The following PDE4D variants were observed in gnomAD, a reference collection of about 807,000 sequenced individuals.
The protein encoded by PDE4D is phosphodiesterase 4D, also known as 3',5'-cyclic-AMP phosphodiesterase 4D.
PDE4D carries 24 observed loss-of-function variants against 87.4 expected under a neutral mutation model. The ratio of observed to expected loss-of-function variants is 0.27; its 90% CI spans 0.20 to 0.39. The LOEUF (loss-of-function observed/expected upper bound fraction) is 0.39. PDE4D is among the 10% of genes least tolerant of loss of function. PDE4D has a pLI of 1.00. For synonymous variants in PDE4D, 384 were observed against 383.2 expected (o/e 1.00, Z -0.02); for missense variants, 714 against 1,041.0 (o/e 0.69, Z 4.32).
intron 1 of PDE4D, among the ~76,000 whole-genome samples, chr5:60,186,277 A>G (rs187658377): frequency 6.6e-6 from 1 of 152,332 alleles, no homozygotes; most frequent in African/African-American, 2.4e-5. Flanking sequence ...AACAAAAAGT[A>G]TAAGCAATAA....
chr5:60,364,452 A>G (rs1760351590), intron 1 of PDE4D, among the ~76,000 whole-genome samples: 1 of 152,226 alleles, frequency 6.6e-6, no homozygotes, highest in Non-Finnish European at 1.5e-5. Context: ...ACTCTATTGT[A>G]AAATATTAAG....
chr5:60,240,268 C>A (rs1291843619), intron 1 of PDE4D, among the ~76,000 whole-genome samples: 2 of 152,082 alleles, frequency 1.3e-5, no homozygotes, highest in Non-Finnish European at 2.9e-5. Flanking sequence ...ATTGTCCCCC[C>A]ACCCCACAGG....
intron 1 of PDE4D, among the ~76,000 whole-genome samples, chr5:59,453,261 C>T (rs556331966): frequency 6.6e-6 from 1 of 152,238 alleles, no homozygotes; most frequent in African/African-American, 2.4e-5. Context: ...TCTCTTTCTC[C>T]TCAGTCCTCC....
At chr5:60,105,025 G>A (rs1420204548) in intron 2 of PDE4D, among the ~76,000 whole-genome samples, 4 of 152,226 alleles carry the variant, frequency 2.6e-5, no homozygotes, top group South Asian at 2.1e-4. Context: ...TGACTTTGAC[G>A]AGTTGAGAGA....
chr5:59,171,854 TAAAC>T (rs1311741771), intron 5 of PDE4D, among the ~76,000 whole-genome samples: 1 of 132,320 alleles, frequency 7.6e-6, no homozygotes, highest in East Asian at 2.0e-4. Flanking sequence ...TATTTTATAA[TAAAC>T]ATATATATTT....
At chr5:59,678,751 G>A (rs115119805) in intron 1 of PDE4D, among the ~76,000 whole-genome samples, 4,452 of 152,152 alleles carry the variant, frequency 0.029, 184 homozygotes, top group African/African-American at 0.092. Context: ...GTGAGCCACC[G>A]CACCTGGCCT....
chr5:59,057,578 CA>C (rs948303385), intron 5 of PDE4D, among the ~76,000 whole-genome samples: 1 of 152,140 alleles, frequency 6.6e-6, no homozygotes, highest in Non-Finnish European at 1.5e-5. Flanking sequence ...CACTCTTCTC[CA>C]ACAGTCTGTT....
At chr5:59,297,699 G>A (rs1769362313) in intron 1 of PDE4D, among the ~76,000 whole-genome samples, 1 of 151,916 alleles carries the variant, frequency 6.6e-6, no homozygotes, top group Admixed American at 6.6e-5. Context: ...GAAATATTGG[G>A]CAAATGAATG....
rs575804211 is a variant in PDE4D at position 59,669,614 on chromosome 5, A to G, written c.455+223554T>C. 5.3e-5 allele frequency among the ~76,000 whole-genome samples: 8 copies of G among 152,340 alleles called. No individual in the cohort carries two copies. In the South Asian group the frequency reaches 1.4e-3, roughly 28 times the overall value. ...TTTTCTATGGCATGCTGGACATAAT[A>G]GGAACCATGGACTTGCTGAGAGTCC... On this transcript the variant is annotated intron_variant, in intron 1 of 14. Coordinates refer to ENST00000340635, the MANE Select transcript of PDE4D (RefSeq NM_001104631.2).
chr5:59,294,273 C>T (rs1342930073), intron 1 of PDE4D, among the ~76,000 whole-genome samples: 1 of 152,114 alleles, frequency 6.6e-6, no homozygotes, highest in Non-Finnish European at 1.5e-5. Context: ...AGCAGGGCCA[C>T]TGCATCTCTG....
At chr5:59,583,016 T>C (rs935993852) in intron 1 of PDE4D, among the ~76,000 whole-genome samples, 1 of 152,168 alleles carries the variant, frequency 6.6e-6, no homozygotes, top group Non-Finnish European at 1.5e-5. Flanking sequence ...AGCTTCTATC[T>C]TCCACTGTCC....
chr5:59,668,845 G>GGAAGAAGAAGAAGGA (rs1746606303), intron 1 of PDE4D, among the ~76,000 whole-genome samples: 1 of 62,186 alleles, frequency 1.6e-5, no homozygotes, highest in African/African-American at 6.6e-5. Context: ...AAGAGGAAGA[G>GGAAGAAGAAGAAGGA]GAAGAAGAAG....
intron 3 of PDE4D, among the ~76,000 whole-genome samples, chr5:59,917,964 A>C (rs190636192): frequency 3.9e-5 from 6 of 152,214 alleles, no homozygotes; most frequent in African/African-American, 1.4e-4. Context: ...CTTATATAGA[A>C]AATCCAAACA....
intron 1 of PDE4D, among the ~76,000 whole-genome samples, chr5:60,290,403 T>A (rs1264010158): frequency 6.6e-6 from 1 of 151,990 alleles, no homozygotes; most frequent in African/African-American, 2.4e-5. Flanking sequence ...AACTGACACA[T>A]CTAATAAGAA....
At chr5:59,353,124 T>C (rs896596787) in intron 1 of PDE4D, among the ~76,000 whole-genome samples, 5 of 152,168 alleles carry the variant, frequency 3.3e-5, no homozygotes, top group African/African-American at 1.2e-4. Flanking sequence ...CCCAAACTTG[T>C]CACATAAAAT....
intron 6 of PDE4D, among the ~76,000 whole-genome samples, chr5:59,000,640 G>A (rs1750324778): frequency 6.6e-6 from 1 of 152,186 alleles, no homozygotes; most frequent in African/African-American, 2.4e-5. Flanking sequence ...CATAAGGAAT[G>A]CAGTGTTTTG....
At chr5:60,192,352 C>T (rs2149523496) in intron 1 of PDE4D, among the ~76,000 whole-genome samples, 1 of 152,186 alleles carries the variant, frequency 6.6e-6, no homozygotes, top group Non-Finnish European at 1.5e-5. Flanking sequence ...TTCCAAATGA[C>T]ATAAGTCTTT....
chr5:59,360,864 T>C (rs549715000), intron 1 of PDE4D, among the ~76,000 whole-genome samples: 1 of 152,238 alleles, frequency 6.6e-6, no homozygotes, highest in African/African-American at 2.4e-5. Context: ...GTTTTAAGCT[T>C]CTACAATTGC....
At chr5:59,531,829 C>A (rs1814287793) in intron 1 of PDE4D, among the ~76,000 whole-genome samples, 1 of 152,150 alleles carries the variant, frequency 6.6e-6, no homozygotes, top group African/African-American at 2.4e-5. Flanking sequence ...TGCCCCTAAT[C>A]AAATCTGCAA....
Sources: allele counts gnomAD v4.1 joint callset (sites outside exome capture counted in the v4.1 genomes callset), GRCh38; gene constraint gnomAD v4.1.1; transcripts MANE v1.5; gene names NCBI Gene and HGNC (gene_info 2026-07-23, HGNC 2026-07-21).